ST13: variants seen among roughly 807,000 people sequenced by gnomAD.
The protein encoded by ST13 is hsc70-interacting protein.
A neutral mutation model predicts 56.7 loss-of-function variants in ST13; 23 were observed. The observed-to-expected ratio is 0.41, with a 90% confidence interval of 0.29 to 0.57. The LOEUF (loss-of-function observed/expected upper bound fraction) is 0.57. Ranked by LOEUF, ST13 falls within the 20% of genes least tolerant of loss-of-function variation. ST13 has a pLI of 0.36. For synonymous variants in ST13, 132 were observed against 142.4 expected (o/e 0.93, Z 0.52); for missense variants, 369 against 459.9 (o/e 0.80, Z 1.81).
Position 40,826,396 on chromosome 22 carries a change from G to T in ST13, c.*142C>A. The T allele has an allele frequency of 1.5e-6, 1 of 647,958 alleles. No individual in the cohort carries two copies. The highest frequency in any genetic ancestry group is 2.5e-6 in the Non-Finnish European group (1 of 400,540). 40.1% of individuals were successfully genotyped at this position (647,958 alleles called of 1,614,324 possible). On this transcript the variant is annotated 3_prime_UTR_variant, in exon 12 of 12. Transcript: ENST00000216218. ...TAAAATGCTTCAGCTGCATTTGGGG[G>T]AGAGGGGTAGGGATTATCTTCAAAG...
rs1220825874 is a variant in ST13 at position 40,856,626 on chromosome 22, G to GC, written c.-87dup. On this transcript the variant is annotated 5_prime_UTR_variant, in exon 1 of 12. Coordinates refer to ENST00000216218, the MANE Select transcript of ST13 (RefSeq NM_003932.5). ...GCTCGGCGTGACCGCGCAGAAGGGGGCGGCTGCCGCAAGACAGAACAGACT... is the reference window on the plus strand; with the variant it reads ...GCTCGGCGTGACCGCGCAGAAGGGGGCCGGCTGCCGCAAGACAGAACAGACT... The GC allele has an allele frequency of 9.4e-7, 1 of 1,067,022 alleles. No homozygotes were observed. The highest frequency in any genetic ancestry group is 1.4e-6 in the Non-Finnish European group (1 of 697,478). 66.1% of individuals were successfully genotyped at this position (1,067,022 alleles called of 1,614,324 possible).
intron 10 of ST13, among the ~76,000 whole-genome samples, chr22:40,828,714 G>A (rs1188327697): frequency 6.6e-6 from 1 of 152,120 alleles, no homozygotes; most frequent in Non-Finnish European, 1.5e-5. Flanking sequence ...ACATGATAAA[G>A]TCATTTTTAC....
At chr22:40,844,134 C>T (rs1218576662) in intron 4 of ST13, among the ~76,000 whole-genome samples, 1 of 152,072 alleles carries the variant, frequency 6.6e-6, no homozygotes, top group East Asian at 1.9e-4. Context: ...CCACCCACCT[C>T]GGCCTCCCAA....
intron 5 of ST13, among the ~76,000 whole-genome samples, chr22:40,836,875 T>C (rs560875392): frequency 1.3e-5 from 2 of 152,280 alleles, no homozygotes; most frequent in South Asian, 4.1e-4. Context: ...AACTCTCACA[T>C]AGGCTAGAGT....
At position 40,848,307 on chromosome 22, in the gene ST13, C is replaced by T. The variant is rs1420047695; in HGVS notation, c.231G>A (p.Glu77=). The change falls in exon 3 of 12, where the codon GAG becomes GAA. Residue 77 remains glutamate (E), a synonymous_variant. Transcript: ENST00000216218. ...CCGTCTCCTCACCTAGATCACTTTC[C>T]TCACTTGATGGTTCGTCTGCCTTTA... ...EDLKADEPSS[E]ESDLEIDKEG... 50 of 1,613,074 alleles carry T rather than the reference C, an allele frequency of 3.1e-5. No homozygotes were observed. Among genetic ancestry groups the T allele is most frequent in the Non-Finnish European group, 4.2e-5 (50 of 1,179,266 alleles).
intron 7 of ST13, among the ~76,000 whole-genome samples, chr22:40,833,644 G>C (rs891236634): frequency 6.6e-6 from 1 of 152,008 alleles, no homozygotes; most frequent in African/African-American, 2.4e-5. Flanking sequence ...GGGAGGCTGA[G>C]GCTGGTGGAT....
chr22:40,833,564 CAAAAAAAA>C (rs138336), intron 7 of ST13, among the ~76,000 whole-genome samples: 8 of 115,414 alleles, frequency 6.9e-5, no homozygotes, highest in Non-Finnish European at 1.1e-4. Context: ...GACTCCATCT[CAAAAAAAA>C]AAAAAAAAAG....
At chr22:40,855,608 T>C (rs771411452) in intron 1 of ST13, among the ~76,000 whole-genome samples, 2 of 152,230 alleles carry the variant, frequency 1.3e-5, no homozygotes, top group Non-Finnish European at 2.9e-5. Flanking sequence ...AAGACTTCCC[T>C]GTCACTTTTT....
intron 1 of ST13, among the ~76,000 whole-genome samples, chr22:40,853,654 G>C (rs528634780): frequency 2.2e-4 from 33 of 152,194 alleles, no homozygotes; most frequent in Admixed American, 1.0e-3. Context: ...TTTGTGCTAT[G>C]GTTATTTGTA....
intron 2 of ST13, among the ~76,000 whole-genome samples, chr22:40,848,775 T>C (rs773666931): frequency 3.9e-5 from 6 of 152,130 alleles, no homozygotes; most frequent in Non-Finnish European, 5.9e-5. Context: ...AAAATAAAGT[T>C]TGAACATTGA....
intron 1 of ST13, among the ~76,000 whole-genome samples, chr22:40,853,392 A>C (rs554928616): frequency 6.6e-6 from 1 of 152,300 alleles, no homozygotes; most frequent in Non-Finnish European, 1.5e-5. Context: ...CATAAGCTAG[A>C]TTTAGTTTCT....
chr22:40,845,014 T>C (rs1010560343), intron 3 of ST13, 105 bp from the exon 4 acceptor site: 1 of 734,136 alleles, frequency 1.4e-6, no homozygotes, highest in East Asian at 2.9e-5. Flanking sequence ...AATTAATTAT[T>C]TTAAGTATTG....
In ST13 at chr22:40,826,109, C is replaced by T. The variant is rs971022895; in HGVS notation, c.*429G>A. The T allele has an allele frequency of 2.6e-5, 4 of 153,298 alleles. No individual in the cohort carries two copies. Among genetic ancestry groups the T allele is most frequent in the African/African-American group, 4.8e-5 (2 of 41,482 alleles). The allele number at this position is 153,298 out of a possible 1,614,324, so 9.5% of individuals were successfully genotyped here. ...TGCATCAGGAACCACATATCCAACA[C>T]AAACTTTATCCTCAAATGAGTTATG... On this transcript the variant is annotated 3_prime_UTR_variant, in exon 12 of 12. Transcript: ENST00000216218.
chr22:40,846,387 T>C (rs570312888), intron 3 of ST13, among the ~76,000 whole-genome samples: 1 of 152,330 alleles, frequency 6.6e-6, no homozygotes, highest in South Asian at 2.1e-4. Context: ...ATTTCAAGTA[T>C]ACAGTATTAT....
In ST13 at chr22:40,856,586, C is replaced by G; in HGVS notation, c.-46G>C. On this transcript the variant is annotated 5_prime_UTR_variant, in exon 1 of 12. Coordinates refer to ENST00000216218, the MANE Select transcript of ST13 (RefSeq NM_003932.5). ...AACTGGGGGGGCTACGGCCCGGTTC[C>G]AGGCCCAGGCGCTGGCTCGGCGTGA... 6.5e-7 allele frequency: 1 copy of G among 1,534,008 alleles called. No individual in the cohort carries two copies. The highest frequency in any genetic ancestry group is 9.0e-7 in the Non-Finnish European group (1 of 1,110,224).
At chr22:40,855,491 G>A (rs2057885973) in intron 1 of ST13, among the ~76,000 whole-genome samples, 1 of 152,098 alleles carries the variant, frequency 6.6e-6, no homozygotes, top group Non-Finnish European at 1.5e-5. Flanking sequence ...CACCTCTTAG[G>A]AGTCGCAATG....
chr22:40,855,186 T>C (rs1465074764), intron 1 of ST13, among the ~76,000 whole-genome samples: 2 of 152,218 alleles, frequency 1.3e-5, no homozygotes, highest in African/African-American at 4.8e-5. Context: ...CTGGGTGAAG[T>C]GGCTCACGCC....
At chr22:40,848,486 C>T (rs111910444) in intron 2 of ST13, 117 bp from the exon 3 acceptor site, 6 of 732,258 alleles carry the variant, frequency 8.2e-6, no homozygotes, top group Admixed American at 4.3e-5. Flanking sequence ...GCGGCTCATG[C>T]CTGGAATTCC....
At chr22:40,840,867 T>C (rs1262993108) in intron 4 of ST13, among the ~76,000 whole-genome samples, 175 bp from the exon 5 acceptor site, 3 of 151,592 alleles carry the variant, frequency 2.0e-5, no homozygotes, top group Admixed American at 1.3e-4. Flanking sequence ...TACATACGAG[T>C]TTTAACCTTT....
Sources: gnomAD v4.1 joint callset for allele counts (sites outside exome capture counted in the v4.1 genomes callset) on GRCh38, gnomAD v4.1.1 for gene constraint, MANE v1.5 for transcripts, NCBI Gene and HGNC (gene_info 2026-07-23, HGNC 2026-07-21) for gene names.